The following DOK5 variants were observed in gnomAD, a reference collection of about 807,000 sequenced individuals.
DOK5 encodes docking protein 5.
A neutral mutation model predicts 43.3 loss-of-function variants in DOK5; 27 were observed. The ratio of observed to expected loss-of-function variants is 0.62; its 90% CI spans 0.46 to 0.86. DOK5 has a LOEUF of 0.86. DOK5 is among the 40% of genes least tolerant of loss of function. The pLI is 0.00. For synonymous variants in DOK5, 146 were observed against 140.1 expected, an observed-to-expected ratio of 1.04 and a Z score of -0.30; for missense variants, 373 against 392.9, an observed-to-expected ratio of 0.95 and a Z score of 0.43.
At chr20:54,543,591 GAGAA>G (rs1357355108) in intron 1 of DOK5, among the ~76,000 whole-genome samples, 13 of 151,262 alleles carry the variant, frequency 8.6e-5, no homozygotes, top group Admixed American at 4.0e-4. Flanking sequence ...GTGTGAGAGA[GAGAA>G]AGAAAGAGAG....
intron 6 of DOK5, among the ~76,000 whole-genome samples, chr20:54,634,153 G>A (rs75844128): frequency 0.038 from 5,816 of 152,270 alleles, 196 homozygotes; most frequent in African/African-American, 0.092. Context: ...CAAGCTATGC[G>A]CAGTGGTCCG....
At chr20:54,542,649 T>C (rs1197872768) in intron 1 of DOK5, among the ~76,000 whole-genome samples, 1 of 152,204 alleles carries the variant, frequency 6.6e-6, no homozygotes, top group Non-Finnish European at 1.5e-5. Context: ...TATTCATTTT[T>C]ATTATACGAA....
chr20:54,565,435 A>AATATAT (rs1985062756), intron 2 of DOK5, among the ~76,000 whole-genome samples: 1 of 152,182 alleles, frequency 6.6e-6, no homozygotes, highest in African/African-American at 2.4e-5. Flanking sequence ...GACAAGAAAA[A>AATATAT]CTACCATATA....
In DOK5 at chr20:54,617,908, A is replaced by G. The variant is rs573116750; in HGVS notation, c.735+7385A>G. On this transcript the variant is annotated intron_variant, in intron 6 of 7. Coordinates refer to ENST00000262593, the MANE Select transcript of DOK5 (RefSeq NM_018431.5). Reference sequence around the variant, plus strand: ...CACTGTTATTTTTCAGGCCTCCTACAATATAGCAGATACTTTACTTGCCTT... The same window carrying G: ...CACTGTTATTTTTCAGGCCTCCTACGATATAGCAGATACTTTACTTGCCTT... Among the ~76,000 whole-genome samples, 10 of 152,354 alleles carry G rather than the reference A, an allele frequency of 6.6e-5. 1 individual carries two copies. In the South Asian group the frequency reaches 2.1e-3, roughly 32 times the overall value.
intron 7 of DOK5, among the ~76,000 whole-genome samples, chr20:54,645,251 G>A (rs995246109): frequency 1.0e-4 from 14 of 138,932 alleles, no homozygotes; most frequent in African/African-American, 1.6e-4. Context: ...CTCCATGCTC[G>A]CTCTGAACCC....
chr20:54,637,153 T>C (rs1266916573), intron 6 of DOK5, among the ~76,000 whole-genome samples: 1 of 151,872 alleles, frequency 6.6e-6, no homozygotes, highest in Admixed American at 6.6e-5. Context: ...TGCTTCTACA[T>C]TGTAACATGG....
intron 2 of DOK5, among the ~76,000 whole-genome samples, chr20:54,581,190 G>A (rs1985627611): frequency 2.6e-5 from 4 of 151,944 alleles, no homozygotes; most frequent in African/African-American, 7.2e-5. Context: ...TATTGTATAA[G>A]CATCAATTTA....
chr20:54,587,938 C>T (rs981123982), intron 2 of DOK5, among the ~76,000 whole-genome samples: 1 of 152,090 alleles, frequency 6.6e-6, no homozygotes, highest in African/African-American at 2.4e-5. Flanking sequence ...AGTCAGGGGT[C>T]GTTTCTGAGA....
intron 1 of DOK5, among the ~76,000 whole-genome samples, chr20:54,536,769 A>G (rs111496837): frequency 0.017 from 2,634 of 152,298 alleles, 84 homozygotes; most frequent in African/African-American, 0.06. Flanking sequence ...AATGAAGGCC[A>G]AGTGGGGGAC....
chr20:54,631,332 C>G (rs1978556877), intron 6 of DOK5, among the ~76,000 whole-genome samples: 1 of 151,780 alleles, frequency 6.6e-6, no homozygotes, highest in Non-Finnish European at 1.5e-5. Context: ...GGGAGGATAA[C>G]TGGAGCCCAA....
intron 1 of DOK5, among the ~76,000 whole-genome samples, chr20:54,536,186 G>A (rs547354580): frequency 2.6e-5 from 4 of 152,308 alleles, no homozygotes; most frequent in African/African-American, 9.6e-5. Flanking sequence ...ATTGACTTGA[G>A]GTCAATTTGT....
At position 54,588,758 on chromosome 20, in the gene DOK5, C is replaced by T; in HGVS notation, c.361C>T (p.Leu121Phe). The change falls in exon 4 of 8, where the codon CTT becomes TTT. Residue 121 changes from leucine (L) to phenylalanine (F), a missense_variant. By Grantham distance (22) the Leu-to-Phe change is conservative (BLOSUM62 0). Coordinates refer to ENST00000262593, the MANE Select transcript of DOK5 (RefSeq NM_018431.5). ...AGGAACACGGATCAATGACATCAGCCTTGGAGAGCCTGACTTACTGGCCAC... is the reference window on the plus strand; with the variant it reads ...AGGAACACGGATCAATGACATCAGCTTTGGAGAGCCTGACTTACTGGCCAC... ...CVGTRINDISLGEPDLLATGV... is the reference protein window; with the variant it reads ...CVGTRINDISFGEPDLLATGV... The T allele has an allele frequency of 1.9e-6, 3 of 1,614,016 alleles. No individual in the cohort carries two copies. Among genetic ancestry groups the T allele is most frequent in the Non-Finnish European group, 2.5e-6 (3 of 1,179,948 alleles).
intron 1 of DOK5, among the ~76,000 whole-genome samples, chr20:54,487,679 A>C (rs1345937483): frequency 6.6e-6 from 1 of 152,176 alleles, no homozygotes; most frequent in Admixed American, 6.5e-5. Flanking sequence ...TAAATAACTT[A>C]AAAATTAGGT....
intron 1 of DOK5, among the ~76,000 whole-genome samples, chr20:54,520,463 A>T (rs764517403): frequency 6.6e-6 from 1 of 152,080 alleles, no homozygotes; most frequent in Non-Finnish European, 1.5e-5. Context: ...CTGTAAGATC[A>T]TACCACTCCT....
intron 6 of DOK5, among the ~76,000 whole-genome samples, chr20:54,616,827 G>A (rs960086368): frequency 8.0e-6 from 1 of 124,254 alleles, no homozygotes; most frequent in Admixed American, 1.1e-4. Context: ...TCACTCTGTC[G>A]CCCAGGCTGG....
chr20:54,633,560 G>C (rs1658278742), intron 6 of DOK5, among the ~76,000 whole-genome samples: 1 of 152,228 alleles, frequency 6.6e-6, no homozygotes, highest in South Asian at 2.1e-4. Context: ...TTCTCAGGTT[G>C]AGAATGTGTT....
intron 5 of DOK5, among the ~76,000 whole-genome samples, chr20:54,601,997 C>T (rs748910087): frequency 2.6e-5 from 4 of 152,154 alleles, no homozygotes; most frequent in Non-Finnish European, 5.9e-5. Context: ...CAGTCACACA[C>T]GTTCCATTCC....
chr20:54,481,174 C>G (rs1386018324), intron 1 of DOK5, among the ~76,000 whole-genome samples: 1 of 139,644 alleles, frequency 7.2e-6, no homozygotes, highest in Admixed American at 7.2e-5. Context: ...ATCTATCTAT[C>G]TATCTATATT....
intron 5 of DOK5, among the ~76,000 whole-genome samples, chr20:54,609,490 T>TTA (rs1451823438): frequency 6.6e-6 from 1 of 151,696 alleles, no homozygotes; most frequent in African/African-American, 2.4e-5. Flanking sequence ...TAGTGTAGTT[T>TTA]TATATATATA....
Sources: gnomAD v4.1 joint callset for allele counts (sites outside exome capture counted in the v4.1 genomes callset) on GRCh38, gnomAD v4.1.1 for gene constraint, MANE v1.5 for transcripts, NCBI Gene and HGNC (gene_info 2026-07-23, HGNC 2026-07-21) for gene names.